NAV3: variants seen among roughly 807,000 people sequenced by gnomAD.
The protein encoded by NAV3 is pore membrane and/or filament interacting like protein 1.
In NAV3, 87 loss-of-function variants were observed where a neutral mutation model predicts 244.7. That is an observed-to-expected ratio of 0.36 (90% confidence interval 0.30 to 0.42). The LOEUF is 0.42. NAV3 is among the 20% of genes least tolerant of loss of function. The pLI, the probability that NAV3 is intolerant of heterozygous loss-of-function variation, is 1.00. For missense variants in NAV3, 2,663 were observed against 2,893.3 expected, an observed-to-expected ratio of 0.92 and a Z score of 1.83; for synonymous variants, 1,126 against 1,042.2, an observed-to-expected ratio of 1.08 and a Z score of -1.55.
intron 2 of NAV3, among the ~76,000 whole-genome samples, chr12:77,614,508 A>G (rs922401520): frequency 1.2e-4 from 18 of 152,184 alleles, no homozygotes; most frequent in African/African-American, 4.3e-4. Flanking sequence ...TATATTTTAA[A>G]TCGTTTATTC....
chr12:78,107,826 G>T (rs1306651667), intron 12 of NAV3, among the ~76,000 whole-genome samples: 2 of 151,936 alleles, frequency 1.3e-5, no homozygotes, highest in Non-Finnish European at 2.9e-5. Context: ...TCCCTGGTAA[G>T]CAACTAAAGG....
intron 22 of NAV3, among the ~76,000 whole-genome samples, chr12:78,158,518 CT>C (rs1261091031): frequency 9.9e-5 from 15 of 152,114 alleles, no homozygotes; most frequent in African/African-American, 2.9e-4. Context: ...AAAACAAAAC[CT>C]GAAAGCCACA....
Position 78,118,254 on chromosome 12 carries a change from G to T in NAV3, c.2997G>T (p.Ala999=). 6.2e-7 allele frequency: 1 copy of T among 1,611,742 alleles called. No individual in the cohort carries two copies. The highest frequency in any genetic ancestry group is 8.5e-7 in the Non-Finnish European group (1 of 1,178,318). The part of the protein sequence containing the change: ...WRRGMSAQGG[A]PSRQKAGTSA... The stretch of plus-strand genomic sequence containing the variant: ...GAGGCATGTCTGCCCAAGGAGGGGC[G>T]CCATCTAGGCAGAAAGCTGGAACAA... The change falls in exon 14 of 40, where the codon GCG becomes GCT. Residue 999 remains alanine (A), a synonymous_variant. Transcript: ENST00000397909.
chr12:77,883,116 A>G (rs553464543), intron 1 of NAV3, among the ~76,000 whole-genome samples: 4 of 152,290 alleles, frequency 2.6e-5, no homozygotes, highest in African/African-American at 7.2e-5. Flanking sequence ...AAATTATTCT[A>G]CCAAAAAGAC....
At position 78,041,882 on chromosome 12, in the gene NAV3, T is replaced by C. The variant is rs372386504; in HGVS notation, c.2024-8111T>C. 5.1e-3 allele frequency among the ~76,000 whole-genome samples: 773 copies of C among 152,356 alleles called. 4 individuals are homozygous for C. Among genetic ancestry groups the C allele is most frequent in the Non-Finnish European group, 9.3e-3 (634 of 68,030 alleles). On this transcript the variant is annotated intron_variant, in intron 9 of 39. Coordinates refer to ENST00000397909, the MANE Select transcript of NAV3 (RefSeq NM_001024383.2). ...ATAGATACGCATCTTGACTTCCCTA[T>C]GTGACAATTTTCATAGTGTAATTTA...
chr12:78,209,128 T>A (rs1357700266), intron 39 of NAV3, among the ~76,000 whole-genome samples: 1 of 152,154 alleles, frequency 6.6e-6, no homozygotes, highest in Non-Finnish European at 1.5e-5. Context: ...GAAAATTAGG[T>A]TAAAACATAT....
chr12:77,604,282 A>G lies in NAV3; in HGVS notation c.72+32016A>G, dbSNP rs145419212. ...CTTTTTTTTCTAGGGTGAAAGGATC[A>G]GTGAGTGTAGCAGAAAGACAAAAGA... On this transcript the variant is annotated intron_variant, in intron 2 of 8. Coordinates refer to the NAV3 transcript ENST00000550042. 7.6e-4 allele frequency among the ~76,000 whole-genome samples: 116 copies of G among 152,218 alleles called. 2 individuals carry two copies. The highest frequency in any genetic ancestry group is 2.6e-3 in the African/African-American group (106 of 41,554).
At chr12:77,927,522 A>G (rs1888337006) in intron 1 of NAV3, among the ~76,000 whole-genome samples, 2 of 152,182 alleles carry the variant, frequency 1.3e-5, no homozygotes, top group Admixed American at 1.3e-4. Context: ...GAATAGTGGT[A>G]CCTTCCTCTT....
intron 23 of NAV3, among the ~76,000 whole-genome samples, chr12:78,165,555 T>C (rs1957745973): frequency 6.6e-6 from 1 of 151,992 alleles, no homozygotes; most frequent in East Asian, 1.9e-4. Context: ...GGAATTCATT[T>C]CTAATCATGT....
chr12:78,178,035 A>G (rs1346378425), intron 28 of NAV3, among the ~76,000 whole-genome samples: 1 of 151,824 alleles, frequency 6.6e-6, no homozygotes, highest in East Asian at 1.9e-4. Flanking sequence ...ATGCATACCT[A>G]CATATGATAA....
chr12:78,194,223 C>A (rs911708585), intron 34 of NAV3, among the ~76,000 whole-genome samples: 5 of 152,020 alleles, frequency 3.3e-5, no homozygotes, highest in African/African-American at 9.7e-5. Context: ...TGAGAATTGA[C>A]AATTTCAGCC....
chr12:77,666,248 T>C (rs531813262), intron 2 of NAV3, among the ~76,000 whole-genome samples: 1 of 147,446 alleles, frequency 6.8e-6, no homozygotes, highest in East Asian at 2.1e-4. Context: ...TCATTAATAA[T>C]ATCTCTTCTA....
chr12:78,043,550 A>C (rs1418150645), intron 9 of NAV3, among the ~76,000 whole-genome samples: 2 of 152,122 alleles, frequency 1.3e-5, no homozygotes, highest in Admixed American at 6.6e-5. Flanking sequence ...TCCCACCGAC[A>C]GTGTAAAGGC....
At chr12:78,049,927 A>T in intron 9 of NAV3, 66 bp from the exon 10 acceptor site, 1 of 997,146 alleles carries the variant, frequency 1.0e-6, no homozygotes, top group Non-Finnish European at 1.5e-6. Flanking sequence ...TTAATTATCT[A>T]GGTATACAAT....
At chr12:77,659,168 A>G (rs545990003) in intron 2 of NAV3, among the ~76,000 whole-genome samples, 13 of 151,896 alleles carry the variant, frequency 8.6e-5, no homozygotes, top group Middle Eastern at 6.8e-3. Flanking sequence ...CAGAGTGAAC[A>G]GGCAACCCAC....
intron 7 of NAV3, among the ~76,000 whole-genome samples, chr12:78,000,851 G>A (rs879808378): frequency 7.3e-5 from 11 of 149,936 alleles, no homozygotes; most frequent in African/African-American, 2.7e-4. Context: ...GGTGGCGGGC[G>A]CCTGTAGTCC....
intron 12 of NAV3, among the ~76,000 whole-genome samples, chr12:78,109,894 G>A (rs1015402914): frequency 1.8e-4 from 27 of 152,060 alleles, no homozygotes; most frequent in African/African-American, 6.3e-4. Context: ...ACAAGACAAG[G>A]ATGCAAACTC....
chr12:77,778,576 C>A (rs1024330617), intron 2 of NAV3, among the ~76,000 whole-genome samples: 1 of 147,402 alleles, frequency 6.8e-6, no homozygotes, highest in Non-Finnish European at 1.5e-5. Flanking sequence ...CGCGCCACTG[C>A]ACTCCAGCCT....
chr12:77,996,868 C>T (rs1872427889), intron 6 of NAV3, among the ~76,000 whole-genome samples: 1 of 152,070 alleles, frequency 6.6e-6, no homozygotes, highest in South Asian at 2.1e-4. Context: ...CAGAGTAGTA[C>T]ACAGTGACAT....
Sources: allele counts gnomAD v4.1 joint callset (sites outside exome capture counted in the v4.1 genomes callset), GRCh38; gene constraint gnomAD v4.1.1; transcripts MANE v1.5; gene names NCBI Gene and HGNC (gene_info 2026-07-23, HGNC 2026-07-21).